The following RMDN2 variants were observed in gnomAD, a reference collection of about 807,000 sequenced individuals.
RMDN2 encodes regulator of microtubule dynamics 2.
RMDN2 carries 61 observed loss-of-function variants against 52.8 expected under a neutral mutation model. The ratio of observed to expected loss-of-function variants is 1.16; its 90% CI spans 0.94 to 1.43. The LOEUF (loss-of-function observed/expected upper bound fraction) is 1.43. RMDN2 is among the 40% of genes most tolerant of loss of function. The probability of loss-of-function intolerance (pLI) is 0.00; values close to 1 mark genes in which losing one functional copy is unlikely to be tolerated. For missense variants in RMDN2, 592 were observed against 475.3 expected (o/e 1.25, Z -2.28); for synonymous variants, 180 against 153.1 (o/e 1.18, Z -1.30).
upstream of RMDN2, among the ~76,000 whole-genome samples, chr2:37,921,962 G>C (rs1043451001): frequency 6.6e-6 from 1 of 152,138 alleles, no homozygotes; most frequent in African/African-American, 2.4e-5. Flanking sequence ...GCTCCTCCTC[G>C]TTTACAAATG....
rs777677781 is a variant in RMDN2, at chr2:37,989,521, T to C, written c.792-20T>C. 1.3e-6 allele frequency: 2 copies of C among 1,580,652 alleles called. No homozygotes were observed. Among genetic ancestry groups the C allele is most frequent in the South Asian group, 1.2e-5 (1 of 86,216 alleles). On this transcript the variant is annotated intron_variant, in intron 5 of 10. Transcript: ENST00000354545. ...ATTTACACAGTGGCCACTGTTTTTG[T>C]CTGTTTTTGTCCTTTTCAGGTATGC...
upstream of RMDN2, among the ~76,000 whole-genome samples, chr2:37,924,436 C>T (rs1310440387): frequency 6.6e-6 from 1 of 152,158 alleles, no homozygotes. Flanking sequence ...CGCGATCTCG[C>T]CTCACTGCAA....
At chr2:37,999,235 A>C (rs954449592) in intron 8 of RMDN2, among the ~76,000 whole-genome samples, 10 of 152,170 alleles carry the variant, frequency 6.6e-5, no homozygotes, top group Non-Finnish European at 1.5e-4. Flanking sequence ...TCTCAGCTCT[A>C]CCACTTACCA....
In RMDN2 at chr2:38,012,800, T is replaced by C. The variant is rs553336244; in HGVS notation, c.1180-4386T>C. Among the ~76,000 whole-genome samples, 6 of 152,362 alleles carry C rather than the reference T, an allele frequency of 3.9e-5. No homozygotes were observed. The East Asian group carries it at 1.2e-3, about 29-fold the overall frequency. On this transcript the variant is annotated intron_variant, in intron 10 of 10. Transcript: ENST00000354545. ...ACCAAGTTTATTCATTTCCAAAATG[T>C]CTAGCAATGCCACTAGTTACAAGAG...
intron 1 of RMDN2, among the ~76,000 whole-genome samples, chr2:37,926,815 G>T (rs992749410): frequency 5.5e-4 from 84 of 152,092 alleles, no homozygotes; most frequent in African/African-American, 2.0e-3. Flanking sequence ...CCACGCTTGT[G>T]GTCCTAGCTA....
intron 10 of RMDN2, among the ~76,000 whole-genome samples, chr2:38,014,249 G>C (rs1347921837): frequency 1.3e-5 from 2 of 152,166 alleles, no homozygotes; most frequent in East Asian, 3.8e-4. Context: ...AGTATAGATA[G>C]TATAGACAGA....
At chr2:37,933,433 G>T (rs937155604) in intron 2 of RMDN2, among the ~76,000 whole-genome samples, 33 of 152,370 alleles carry the variant, frequency 2.2e-4, no homozygotes, top group African/African-American at 7.9e-4. Context: ...CTGGGAGGTG[G>T]AGGTTGTAGC....
Position 37,980,953 on chromosome 2 carries a change from G to A in RMDN2, c.731-330G>A, listed in dbSNP as rs553710948. Among the ~76,000 whole-genome samples the A allele has an allele frequency of 1.4e-4, 22 of 152,274 alleles. No homozygotes were observed. In the South Asian group the frequency reaches 1.9e-3, roughly 13 times the overall value. On this transcript the variant is annotated intron_variant, in intron 4 of 10. Coordinates refer to ENST00000354545, the MANE Select transcript of RMDN2 (RefSeq NM_001170791.3). ...GGTACTCAGTAAATGTTGTTTGAAT[G>A]GAATACAGAAAATTTCTATTACGCT...
At chr2:37,939,638 T>C (rs539636843) in intron 2 of RMDN2, among the ~76,000 whole-genome samples, 63 of 152,340 alleles carry the variant, frequency 4.1e-4, no homozygotes, top group South Asian at 1.9e-3. Flanking sequence ...CCCTTTACCA[T>C]TATGTAATGC....
chr2:37,982,590 C>G (rs949235857), intron 5 of RMDN2, among the ~76,000 whole-genome samples: 7 of 152,100 alleles, frequency 4.6e-5, no homozygotes, highest in Admixed American at 3.3e-4. Context: ...TCTGGCAGAA[C>G]CTGTGAATAA....
chr2:37,954,692 T>C (rs1166965635), intron 2 of RMDN2, among the ~76,000 whole-genome samples: 1 of 152,162 alleles, frequency 6.6e-6, no homozygotes, highest in Non-Finnish European at 1.5e-5. Flanking sequence ...TCGGGTGTCT[T>C]GGAATTCCAA....
In RMDN2 at chr2:37,950,743, T is replaced by C. The variant is rs150637545; in HGVS notation, c.452+21014T>C. The stretch of plus-strand genomic sequence containing the variant: ...ACTTGAAACATTCTCCCCAGAGAGA[T>C]TGTGCTTCATCCATGGTTAATATTT... On this transcript the variant is annotated intron_variant, in intron 2 of 10. Transcript: ENST00000354545. The C allele has an allele frequency of 8.3e-5, 65 of 786,096 alleles. No individual in the cohort carries two copies. In the East Asian group the frequency reaches 1.5e-3, roughly 18 times the overall value. 48.7% of individuals were successfully genotyped at this position (786,096 alleles called of 1,614,324 possible).
chr2:38,012,255 C>T (rs1220433001), intron 10 of RMDN2, among the ~76,000 whole-genome samples: 1 of 152,220 alleles, frequency 6.6e-6, no homozygotes, highest in Non-Finnish European at 1.5e-5. Context: ...TCAGGAAAGA[C>T]TTCCTTGACG....
At chr2:37,982,086 C>T (rs1032997671) in intron 5 of RMDN2, among the ~76,000 whole-genome samples, 4 of 151,938 alleles carry the variant, frequency 2.6e-5, no homozygotes, top group Non-Finnish European at 4.4e-5. Context: ...CCTAAGTTTC[C>T]AGAAATCCAC....
At chr2:37,994,859 TAAC>T in intron 7 of RMDN2, among the ~76,000 whole-genome samples, 1 of 152,320 alleles carries the variant, frequency 6.6e-6, no homozygotes, top group Admixed American at 6.5e-5. Flanking sequence ...CTTAGCAGCA[TAAC>T]AACATGCATG....
At chr2:38,052,597 C>T (rs1681668113) in intron 10 of RMDN2, among the ~76,000 whole-genome samples, 1 of 152,158 alleles carries the variant, frequency 6.6e-6, no homozygotes, top group Non-Finnish European at 1.5e-5. Flanking sequence ...AAATCTTTGC[C>T]TACACCAATG....
intron 9 of RMDN2, 24 bp from the exon 10 acceptor site, chr2:38,004,112 A>G: frequency 6.2e-7 from 1 of 1,609,766 alleles, no homozygotes; most frequent in Non-Finnish European, 8.5e-7. Flanking sequence ...ATTATGTTTA[A>G]TATTGGTTAT....
chr2:37,962,821 C>T lies in RMDN2; in HGVS notation c.453-11219C>T, dbSNP rs75059416. On this transcript the variant is annotated intron_variant, in intron 2 of 10. Coordinates refer to ENST00000354545, the MANE Select transcript of RMDN2 (RefSeq NM_001170791.3). ...CAGTTTTGTGCTTGAAACCCAGGGC[C>T]CTTTTGGTGTAGGCACCCGAGGGAA... Among the ~76,000 whole-genome samples, 140 of 152,230 alleles carry T rather than the reference C, an allele frequency of 9.2e-4. 1 individual carries two copies. The East Asian group carries it at 0.022, about 24-fold the overall frequency.
chr2:38,018,547 A>C (rs1254195218), downstream of RMDN2, among the ~76,000 whole-genome samples: 1 of 152,218 alleles, frequency 6.6e-6, no homozygotes, highest in Admixed American at 6.5e-5. Flanking sequence ...TGACATTAAA[A>C]ATAATTACAA....
Sources: gnomAD v4.1 joint callset for allele counts (sites outside exome capture counted in the v4.1 genomes callset) on GRCh38, gnomAD v4.1.1 for gene constraint, MANE v1.5 for transcripts, NCBI Gene and HGNC (gene_info 2026-07-23, HGNC 2026-07-21) for gene names.